Variants in EXOC4 observed in about 807,000 individuals in gnomAD.
EXOC4 encodes the protein exocyst complex component 4.
Under a neutral mutation model 107.2 loss-of-function variants are expected in EXOC4, and 71 were observed. That is an observed-to-expected ratio of 0.66 (90% CI 0.55 to 0.81). The LOEUF (loss-of-function observed/expected upper bound fraction) is 0.81. Ranked by LOEUF, EXOC4 falls within the 30% of genes least tolerant of loss-of-function variation. The probability of loss-of-function intolerance (pLI) is 0.00; values close to 1 mark genes in which losing one functional copy is unlikely to be tolerated. For synonymous variants in EXOC4, 456 were observed against 441.2 expected, an observed-to-expected ratio of 1.03 and a Z score of -0.42; for missense variants, 1,108 against 1,189.6, an observed-to-expected ratio of 0.93 and a Z score of 1.01.
intron 10 of EXOC4, among the ~76,000 whole-genome samples, chr7:133,785,462 A>G (rs1308577328): frequency 6.6e-6 from 1 of 152,066 alleles, no homozygotes; most frequent in Non-Finnish European, 1.5e-5. Context: ...ATGACTTTGT[A>G]ATATAGGGAT....
intron 1 of EXOC4, among the ~76,000 whole-genome samples, chr7:133,271,488 C>T (rs1793869124): frequency 6.6e-6 from 1 of 152,070 alleles, no homozygotes; most frequent in South Asian, 2.1e-4. Flanking sequence ...CACTGATTGC[C>T]CTAAGTTTTA....
chr7:133,378,949 A>G (rs572420820), intron 7 of EXOC4, among the ~76,000 whole-genome samples: 1 of 152,138 alleles, frequency 6.6e-6, no homozygotes, highest in Non-Finnish European at 1.5e-5. Flanking sequence ...TTTAAAAAAA[A>G]CCAAGACCCA....
chr7:133,462,165 A>G, intron 7 of EXOC4, among the ~76,000 whole-genome samples: 1 of 152,182 alleles, frequency 6.6e-6, no homozygotes, highest in East Asian at 1.9e-4. Context: ...CCTTGTGAGA[A>G]TATGAAATAT....
intron 9 of EXOC4, among the ~76,000 whole-genome samples, chr7:133,513,220 T>G (rs1342809477): frequency 2.6e-5 from 4 of 152,130 alleles, no homozygotes; most frequent in Non-Finnish European, 5.9e-5. Context: ...CTTAACTGGG[T>G]TATGAGACTG....
intron 14 of EXOC4, among the ~76,000 whole-genome samples, chr7:133,967,917 C>G (rs927563321): frequency 6.6e-6 from 1 of 152,022 alleles, no homozygotes; most frequent in African/African-American, 2.4e-5. Context: ...CTGTCTGATA[C>G]TGATAGTGGG....
intron 10 of EXOC4, among the ~76,000 whole-genome samples, chr7:133,737,653 C>T (rs758687905): frequency 2.0e-5 from 3 of 152,022 alleles, no homozygotes. Context: ...TATGTGACAT[C>T]CTGCGACCTT....
Position 133,840,260 on chromosome 7 carries a change from CAG to C in EXOC4, c.1734+22717_1734+22718del, listed in dbSNP as rs144905517. Among the ~76,000 whole-genome samples the C allele has an allele frequency of 2.4e-3, 364 of 152,198 alleles. 5 individuals are homozygous for C. The highest frequency in any genetic ancestry group is 8.2e-3 in the African/African-American group (340 of 41,542). Reference sequence around the variant, plus strand: ...TTATACATAGCTTGCATGAATCTAACAGTGTTGAAAGAAGCAAGACACAAAAG... The same window carrying C: ...TTATACATAGCTTGCATGAATCTAACTGTTGAAAGAAGCAAGACACAAAAG... On this transcript the variant is annotated intron_variant, in intron 11 of 17. Coordinates refer to ENST00000253861, the MANE Select transcript of EXOC4 (RefSeq NM_021807.4).
chr7:133,514,729 A>G (rs774377770), intron 9 of EXOC4, among the ~76,000 whole-genome samples: 46 of 152,222 alleles, frequency 3.0e-4, no homozygotes, highest in Non-Finnish European at 6.0e-4. Context: ...GAATAGGTTA[A>G]CATTTTTTGA....
At chr7:133,511,136 C>T (rs532700193) in intron 9 of EXOC4, among the ~76,000 whole-genome samples, 3 of 151,884 alleles carry the variant, frequency 2.0e-5, no homozygotes, top group Non-Finnish European at 2.9e-5. Context: ...AGGTGTGTGC[C>T]TGAGGTCTGT....
intron 9 of EXOC4, among the ~76,000 whole-genome samples, chr7:133,564,984 T>C (rs1450808656): frequency 6.6e-6 from 1 of 152,106 alleles, no homozygotes; most frequent in Non-Finnish European, 1.5e-5. Flanking sequence ...GGGTCTAACA[T>C]GTGAGAGTGG....
intron 9 of EXOC4, among the ~76,000 whole-genome samples, chr7:133,504,822 G>C (rs1211604631): frequency 6.6e-6 from 1 of 151,978 alleles, no homozygotes; most frequent in Non-Finnish European, 1.5e-5. Context: ...CTGAATACTT[G>C]CTTTAATAAG....
chr7:133,442,152 A>C (rs1798119461), intron 7 of EXOC4, among the ~76,000 whole-genome samples: 1 of 152,134 alleles, frequency 6.6e-6, no homozygotes, highest in African/African-American at 2.4e-5. Context: ...TATGTTTTTT[A>C]ATACCTGCCA....
chr7:133,375,389 T>C (rs1584865026), intron 7 of EXOC4, among the ~76,000 whole-genome samples: 1 of 151,810 alleles, frequency 6.6e-6, no homozygotes, highest in African/African-American at 2.4e-5. Context: ...GGCAGGAGAG[T>C]TGCTTGAACT....
At chr7:133,642,431 C>G (rs1802880139) in intron 10 of EXOC4, among the ~76,000 whole-genome samples, 1 of 152,152 alleles carries the variant, frequency 6.6e-6, no homozygotes, top group Non-Finnish European at 1.5e-5. Flanking sequence ...ATCCTATTTC[C>G]CTCCATCCCC....
chr7:134,056,611 C>T (rs1258991364), intron 17 of EXOC4, among the ~76,000 whole-genome samples: 3 of 152,212 alleles, frequency 2.0e-5, no homozygotes, highest in East Asian at 3.8e-4. Context: ...CAAAGAGACA[C>T]AGTTTTAATT....
At chr7:133,573,864 C>T (rs1261217610) in intron 9 of EXOC4, among the ~76,000 whole-genome samples, 1 of 152,188 alleles carries the variant, frequency 6.6e-6, no homozygotes, top group African/African-American at 2.4e-5. Flanking sequence ...TCATTGCTGT[C>T]AGCATTGTAG....
At chr7:133,846,559 A>G (rs1798131287) in intron 11 of EXOC4, among the ~76,000 whole-genome samples, 1 of 152,236 alleles carries the variant, frequency 6.6e-6, no homozygotes, top group African/African-American at 2.4e-5. Context: ...GGGCTGAAAG[A>G]TTCCATACTT....
chr7:133,289,216 C>A, intron 3 of EXOC4, 100 bp downstream of exon 3: 2 of 1,022,012 alleles, frequency 2.0e-6, no homozygotes, highest in Non-Finnish European at 2.8e-6. Flanking sequence ...ACATTACAAA[C>A]TGCCCTCTTG....
At chr7:134,059,169 G>A (rs1262735844) in intron 17 of EXOC4, among the ~76,000 whole-genome samples, 5 of 152,160 alleles carry the variant, frequency 3.3e-5, no homozygotes, top group East Asian at 1.9e-4. Flanking sequence ...ACGCCTACAA[G>A]TACAGGAACA....
Sources: gnomAD v4.1 joint callset for allele counts (sites outside exome capture counted in the v4.1 genomes callset) on GRCh38, gnomAD v4.1.1 for gene constraint, MANE v1.5 for transcripts, NCBI Gene and HGNC (gene_info 2026-07-23, HGNC 2026-07-21) for gene names.